The following ADCY4 variants were observed in gnomAD, a reference collection of about 807,000 sequenced individuals.
ADCY4 encodes the protein adenylate cyclase type 4.
In ADCY4, 111 loss-of-function variants were observed where a neutral mutation model predicts 125.5. The observed-to-expected ratio is 0.88, with a 90% CI of 0.76 to 1.04. The LOEUF is 1.04. Among genes scored for constraint, ADCY4 ranks in the 50% least tolerant of loss-of-function variants. ADCY4 has a pLI of 0.00. For missense variants in ADCY4, 1,256 were observed against 1,382.9 expected (o/e 0.91, Z 1.46); for synonymous variants, 576 against 586.9 (o/e 0.98, Z 0.27).
chr14:24,330,682 T>C (rs548015028), intron 6 of ADCY4: 6 of 345,858 alleles, frequency 1.7e-5, no homozygotes, highest in South Asian at 4.8e-5. Flanking sequence ...GAAATTTCTC[T>C]TGGAAGGGCC....
intron 20 of ADCY4, 97 bp downstream of exon 20, chr14:24,321,969 T>A (rs2041858351): frequency 2.0e-6 from 3 of 1,482,952 alleles, no homozygotes; most frequent in Non-Finnish European, 2.7e-6. Context: ...GTGACCCTTC[T>A]GGGGGTTCTA....
chr14:24,329,372 A>G (rs2042002737), intron 9 of ADCY4, 29 bp downstream of exon 9: 1 of 1,544,786 alleles, frequency 6.5e-7, no homozygotes, highest in Non-Finnish European at 8.7e-7. Context: ...TGTGTAGGCC[A>G]GCCCATGGGG....
At position 24,322,104 on chromosome 14, in the gene ADCY4, C is replaced by T. The variant is rs761106874; in HGVS notation, c.2548G>A (p.Val850Met). Residue 850 changes from valine to methionine, a missense_variant, in exon 20 of 25, where the codon GTG (valine) becomes ATG (methionine). Val to Met is a conservative substitution (Grantham distance 21). Coordinates refer to ENST00000418030, the MANE Select transcript of ADCY4 (RefSeq NM_001198568.2). ...LLLENVLPAH[V>M]APQFIGQNRR... is the part of the protein sequence containing the mutation. ...TTCTGGCCAATGAACTGGGGGGCCA[C>T]GTGTGCAGGGAGCACGTTCTCCAAG... 6.8e-6 allele frequency: 11 copies of T among 1,614,032 alleles called. No homozygotes were observed. The highest frequency in any genetic ancestry group is 2.7e-5 in the African/African-American group (2 of 75,060).
chr14:24,322,594 G>T, intron 19 of ADCY4, 30 bp downstream of exon 19: 1 of 1,609,670 alleles, frequency 6.2e-7, no homozygotes, highest in Non-Finnish European at 8.5e-7. Flanking sequence ...TCATAGGTGG[G>T]CCCTGGTGGG....
chr14:24,331,723 C>A (rs963890452), intron 4 of ADCY4, 65 bp downstream of exon 4: 1 of 1,451,080 alleles, frequency 6.9e-7, no homozygotes, highest in East Asian at 2.4e-5. Context: ...TGGAGGAGCC[C>A]CGTTATGTAA....
intron 3 of ADCY4, 158 bp from the exon 4 acceptor site, chr14:24,332,095 C>A: frequency 1.1e-6 from 1 of 929,864 alleles, no homozygotes; most frequent in Non-Finnish European, 1.5e-6. Flanking sequence ...TCCCTAGGGA[C>A]GTTTCCCTTC....
intron 10 of ADCY4, among the ~76,000 whole-genome samples, chr14:24,327,105 C>T (rs983377308): frequency 2.0e-5 from 3 of 152,012 alleles, no homozygotes; most frequent in South Asian, 2.1e-4. Flanking sequence ...CCATGTTGGC[C>T]GGGCTGGTCT....
chr14:24,333,108 GA>G lies in ADCY4; in HGVS notation c.160-121del, dbSNP rs539827873. 348 of 1,006,300 alleles carry G rather than the reference GA, an allele frequency of 3.5e-4. 3 individuals are homozygous for G. The South Asian group carries it at 6.1e-3, about 18-fold the overall frequency. The allele number at this position is 1,006,300 out of a possible 1,614,324, so 62.3% of individuals were successfully genotyped here. A position where few individuals can be genotyped will look rare whatever the true frequency, so the allele number is the denominator to read the frequency against. On this transcript the variant is annotated intron_variant, in intron 1 of 24. Coordinates refer to ENST00000418030, the MANE Select transcript of ADCY4 (RefSeq NM_001198568.2). ...TGAAAGGTGTCTCAAGCCTAAGTAC[GA>G]AAAGGAGGCAAGGCACCTCCGCTTG...
chr14:24,330,603 C>A (rs1594666722), intron 6 of ADCY4: 1 of 355,866 alleles, frequency 2.8e-6, no homozygotes, highest in Non-Finnish European at 5.2e-6. Context: ...TGGGGGGAAT[C>A]CAAGAATTGG....
At chr14:24,324,656 C>T (rs911395953) in intron 14 of ADCY4, among the ~76,000 whole-genome samples, 1 of 151,128 alleles carries the variant, frequency 6.6e-6, no homozygotes, top group African/African-American at 2.4e-5. Flanking sequence ...CTACGGCAGA[C>T]TGATCTCTGG....
intron 1 of ADCY4, among the ~76,000 whole-genome samples, chr14:24,334,045 C>T (rs2042093544): frequency 6.6e-6 from 1 of 152,222 alleles, no homozygotes; most frequent in African/African-American, 2.4e-5. Flanking sequence ...CCTCCCCAAA[C>T]AGAAACTGGA....
intron 6 of ADCY4, 191 bp downstream of exon 6, chr14:24,330,827 T>C (rs555277563): frequency 6.0e-5 from 35 of 584,364 alleles, no homozygotes; most frequent in Middle Eastern, 4.5e-4. Flanking sequence ...CTCTGTAGGT[T>C]TGAGGTGTGT....
intron 23 of ADCY4, 131 bp downstream of exon 23, chr14:24,318,966 AC>A (rs1409977214): frequency 1.4e-6 from 2 of 1,387,884 alleles, no homozygotes; most frequent in Non-Finnish European, 1.0e-6. Flanking sequence ...GCACCTTCAC[AC>A]CCCATCCCAG....
chr14:24,324,271 T>C, intron 15 of ADCY4, 36 bp downstream of exon 15: 1 of 1,613,958 alleles, frequency 6.2e-7, no homozygotes. Flanking sequence ...TGACCAGGGC[T>C]CCGGCATACC....
chr14:24,322,771 C>G (rs1489956443), intron 18 of ADCY4, 63 bp from the exon 19 acceptor site: 1 of 1,578,106 alleles, frequency 6.3e-7, no homozygotes, highest in African/African-American at 1.3e-5. Flanking sequence ...CTCCCTGCCC[C>G]CATGTAGGCC....
chr14:24,323,026 G>T lies in ADCY4; in HGVS notation c.2220C>A (p.Phe740Leu). ...LSCSLFLHMSFELKLLLLLLW... is the reference protein window; with the variant it reads ...LSCSLFLHMSLELKLLLLLLW... Reference sequence around the variant, plus strand: ...GCAGGAGCAGCAGCAGCTTCAGCTCGAAGCTCATGTGCAGAAAGAGGGAGC... The same window carrying T: ...GCAGGAGCAGCAGCAGCTTCAGCTCTAAGCTCATGTGCAGAAAGAGGGAGC... The change falls in exon 18 of 25, where the codon TTC becomes TTA. Residue 740 changes from phenylalanine to leucine, a missense_variant. Transcript: ENST00000418030. 6.2e-7 allele frequency: 1 copy of T among 1,614,166 alleles called. No homozygotes were observed. Among genetic ancestry groups the T allele is most frequent in the Non-Finnish European group, 8.5e-7 (1 of 1,180,020 alleles).
chr14:24,323,090 T>C lies in ADCY4; in HGVS notation c.2158-2A>G. The C allele has an allele frequency of 6.2e-7, 1 of 1,613,806 alleles. No homozygotes were observed. The highest frequency in any genetic ancestry group is 1.7e-4 in the Middle Eastern group (1 of 6,024). On this transcript the variant is annotated splice_acceptor_variant, in intron 17 of 24. Transcript: ENST00000418030. LOFTEE classifies it high-confidence loss of function. ...CAGCGTGCAGCAGTGCATGGAGTAC[T>C]GTGGGGCCAGGCAGGGGTCAGGAGT...
At chr14:24,322,467 G>A in intron 19 of ADCY4, 157 bp downstream of exon 19, 1 of 903,540 alleles carries the variant, frequency 1.1e-6, no homozygotes, top group Non-Finnish European at 1.7e-6. Context: ...GGGTGTGGGA[G>A]AAAGGAGGGG....
Position 24,319,422 on chromosome 14 carries a change from G to A in ADCY4, c.2748C>T (p.Pro916=), listed in dbSNP as rs750896425. 1 of 1,614,142 alleles carries A rather than the reference G, an allele frequency of 6.2e-7. No homozygotes were observed. Among genetic ancestry groups the A allele is most frequent in the South Asian group, 1.1e-5 (1 of 91,082 alleles). ...TGATCTTCTCCACCCCACTGAACTT[G>A]GGCTTGGAGAGCAGCTGTATATAGA... ...IADFDELLSK[P]KFSGVEKIKT... The change falls in exon 22 of 25, where the codon CCC becomes CCT. Residue 916 remains proline, a synonymous_variant. Transcript: ENST00000418030. The surrounding 1 kb of genome is among the most constrained non-coding windows in gnomAD (Gnocchi z 4.5).
Sources: allele counts gnomAD v4.1 joint callset (sites outside exome capture counted in the v4.1 genomes callset), GRCh38; gene constraint gnomAD v4.1.1; non-coding constraint Gnocchi (gnomAD v3.1); transcripts MANE v1.5; gene names NCBI Gene and HGNC (gene_info 2026-07-23, HGNC 2026-07-21).